Variants in MGAT4C observed in about 807,000 individuals in gnomAD.
MGAT4C encodes alpha-1,3-mannosyl-glycoprotein 4-beta-N-acetylglucosaminyltransferase C.
A neutral mutation model predicts 40.1 loss-of-function variants in MGAT4C; 19 were observed. The observed-to-expected ratio is 0.47, with a 90% confidence interval of 0.33 to 0.70. MGAT4C has a LOEUF of 0.70. Among genes scored for constraint, MGAT4C ranks in the 30% least tolerant of loss-of-function variants. MGAT4C has a pLI of 0.02. For missense variants in MGAT4C, 491 were observed against 563.2 expected (o/e 0.87, Z 1.30); for synonymous variants, 181 against 187.1 (o/e 0.97, Z 0.27).
chr12:86,718,730 G>T (rs1302359055), intron 2 of MGAT4C, among the ~76,000 whole-genome samples: 1 of 152,070 alleles, frequency 6.6e-6, no homozygotes, highest in Admixed American at 6.6e-5. Context: ...ATTCTTATAG[G>T]AGCAAGAACC....
At chr12:86,080,011 T>C (rs1396817299) in intron 1 of MGAT4C, among the ~76,000 whole-genome samples, 1 of 152,034 alleles carries the variant, frequency 6.6e-6, no homozygotes, top group African/African-American at 2.4e-5. Flanking sequence ...CCTACTCTAC[T>C]CCTGCCTAGA....
chr12:86,005,815 GTCAAATCTAATGAGACCAGAT>G (rs1887817715), intron 2 of MGAT4C, among the ~76,000 whole-genome samples: 1 of 151,986 alleles, frequency 6.6e-6, no homozygotes, highest in Non-Finnish European at 1.5e-5. Context: ...AAATAATCAG[GTCAAATCTAATGAGACCAGAT>G]TTATTTTGTC....
chr12:86,042,771 G>A (rs1173559019), intron 2 of MGAT4C, among the ~76,000 whole-genome samples: 3 of 151,296 alleles, frequency 2.0e-5, no homozygotes, highest in East Asian at 1.9e-4. Flanking sequence ...GGGAGGCTGA[G>A]GCAGGAGAAT....
At chr12:86,154,852 A>G (rs1338982507) in intron 1 of MGAT4C, among the ~76,000 whole-genome samples, 2 of 152,164 alleles carry the variant, frequency 1.3e-5, no homozygotes, top group East Asian at 1.9e-4. Context: ...ATCCTGTTCC[A>G]GATACTGAGG....
At chr12:86,529,495 T>G (rs1958941272) in intron 2 of MGAT4C, among the ~76,000 whole-genome samples, 1 of 152,048 alleles carries the variant, frequency 6.6e-6, no homozygotes, top group Non-Finnish European at 1.5e-5. Flanking sequence ...AGGCAATTTT[T>G]TTTTCTTTAA....
intron 3 of MGAT4C, among the ~76,000 whole-genome samples, chr12:86,424,005 T>C (rs541605210): frequency 6.6e-6 from 1 of 152,298 alleles, no homozygotes; most frequent in East Asian, 1.9e-4. Context: ...AAGTTGTTAG[T>C]ATAGGTTAGC....
intron 4 of MGAT4C, among the ~76,000 whole-genome samples, chr12:86,280,916 G>C (rs976862975): frequency 6.6e-6 from 1 of 151,782 alleles, no homozygotes; most frequent in African/African-American, 2.4e-5. Flanking sequence ...AATATAGTTG[G>C]TTCCCTCTTT....
chr12:85,986,560 T>C (rs896001603), intron 3 of MGAT4C, among the ~76,000 whole-genome samples: 5 of 152,206 alleles, frequency 3.3e-5, no homozygotes, highest in Middle Eastern at 6.3e-3. Context: ...AAATGGATTT[T>C]CTAACAAAAA....
chr12:85,960,214 A>C lies in MGAT4C; in HGVS notation c.*19075T>G, dbSNP rs910615118. The stretch of plus-strand genomic sequence containing the variant: ...ATAAAAACATGATACAACTTGAAGA[A>C]ATTTTCATCAAACGTCTTTGTCTTA... On this transcript the variant is annotated 3_prime_UTR_variant, in exon 5 of 5. Coordinates refer to ENST00000611864, the MANE Select transcript of MGAT4C (RefSeq NM_001351288.2). 2 of 152,052 alleles carry C rather than the reference A, an allele frequency of 1.3e-5. No individual in the cohort carries two copies. The highest frequency in any genetic ancestry group is 4.8e-5 in the African/African-American group (2 of 41,446). The allele number at this position is 152,052 out of a possible 1,614,324, so 9.4% of individuals were successfully genotyped here.
chr12:86,684,880 T>G (rs573739509), intron 2 of MGAT4C, among the ~76,000 whole-genome samples: 1 of 151,378 alleles, frequency 6.6e-6, no homozygotes, highest in East Asian at 2.0e-4. Flanking sequence ...TTTTGATGGG[T>G]TTTTTGTTTT....
intron 2 of MGAT4C, among the ~76,000 whole-genome samples, chr12:86,656,665 G>A (rs1029316105): frequency 6.6e-6 from 1 of 152,030 alleles, no homozygotes; most frequent in East Asian, 1.9e-4. Context: ...AGTACACTGA[G>A]TGTGAAAAAT....
chr12:85,981,197 C>G (rs1272278293), intron 4 of MGAT4C, among the ~76,000 whole-genome samples: 1 of 151,970 alleles, frequency 6.6e-6, no homozygotes, highest in Non-Finnish European at 1.5e-5. Context: ...CATTTATAAT[C>G]TAAAATTAGG....
In MGAT4C at chr12:86,488,845, T is replaced by C. The variant is rs113106443; in HGVS notation, c.-228-53580A>G. On this transcript the variant is annotated intron_variant, in intron 2 of 7. Coordinates refer to the MGAT4C transcript ENST00000548651. Reference sequence around the variant, plus strand: ...AATAATACTTTAAAATAAATTTCTATTTCAACAGCAAAAAAAATGTGGTTA... The same window carrying C: ...AATAATACTTTAAAATAAATTTCTACTTCAACAGCAAAAAAAATGTGGTTA... 3.3e-3 allele frequency among the ~76,000 whole-genome samples: 500 copies of C among 152,200 alleles called. 2 individuals are homozygous for C. The highest frequency in any genetic ancestry group is 0.012 in the African/African-American group (483 of 41,530).
At chr12:86,675,724 G>A (rs934704405) in intron 2 of MGAT4C, among the ~76,000 whole-genome samples, 4 of 152,120 alleles carry the variant, frequency 2.6e-5, no homozygotes, top group Admixed American at 2.0e-4. Flanking sequence ...TACATATGTT[G>A]GGGATGCATG....
At chr12:86,268,571 A>C (rs1341739188) in intron 4 of MGAT4C, among the ~76,000 whole-genome samples, 1 of 149,692 alleles carries the variant, frequency 6.7e-6, no homozygotes, top group Non-Finnish European at 1.5e-5. Flanking sequence ...TCCATTAAAA[A>C]CATTAGTAAA....
chr12:86,339,762 AG>A (rs1281538179), intron 3 of MGAT4C, among the ~76,000 whole-genome samples: 3 of 152,074 alleles, frequency 2.0e-5, no homozygotes, highest in Non-Finnish European at 4.4e-5. Flanking sequence ...AAAGACACAC[AG>A]AGCAAATTTT....
At chr12:86,190,320 CA>C (rs1364962119) in intron 1 of MGAT4C, among the ~76,000 whole-genome samples, 1 of 152,010 alleles carries the variant, frequency 6.6e-6, no homozygotes. Flanking sequence ...TAATTATGAT[CA>C]AAAGTAAAGA....
intron 2 of MGAT4C, chr12:86,028,040 T>C: frequency 3.2e-6 from 3 of 926,038 alleles, no homozygotes; most frequent in Non-Finnish European, 3.0e-6. Flanking sequence ...CAAGTGTATC[T>C]AGTCAAGAAA....
At chr12:86,007,033 G>A (rs1039473245) in intron 2 of MGAT4C, among the ~76,000 whole-genome samples, 1 of 151,964 alleles carries the variant, frequency 6.6e-6, no homozygotes, top group Non-Finnish European at 1.5e-5. Context: ...TCTAATAATT[G>A]TGAATCATAT....
Sources: allele counts gnomAD v4.1 joint callset (sites outside exome capture counted in the v4.1 genomes callset), GRCh38; gene constraint gnomAD v4.1.1; transcripts MANE v1.5; gene names NCBI Gene and HGNC (gene_info 2026-07-23, HGNC 2026-07-21).